Variants in NPC1 observed in about 807,000 individuals in gnomAD.
NPC1 encodes Niemann-Pick C1 protein.
In NPC1, 85 loss-of-function variants were observed where a neutral mutation model predicts 140.4. That is an observed-to-expected ratio of 0.61 (90% CI 0.51 to 0.72). NPC1 has a LOEUF of 0.72. Among genes scored for constraint, NPC1 ranks in the 30% least tolerant of loss-of-function variants. The probability of loss-of-function intolerance (pLI) is 0.00; values close to 1 mark genes in which losing one functional copy is unlikely to be tolerated. For missense variants in NPC1, 1,504 were observed against 1,623.8 expected (o/e 0.93, Z 1.27); for synonymous variants, 656 against 624.8 (o/e 1.05, Z -0.74).
chr18:23,536,102 G>C (rs541154212), intron 21 of NPC1, among the ~76,000 whole-genome samples: 43 of 152,280 alleles, frequency 2.8e-4, no homozygotes, highest in Middle Eastern at 6.8e-3. Flanking sequence ...TTTATTTTCT[G>C]CCAGAGCTAA....
rs756605670 is a variant in NPC1 at position 23,545,034 on chromosome 18, CAACGGTG to C, written c.1866_1872del (p.Phe622LeufsTer2). The C allele has an allele frequency of 2.2e-5, 35 of 1,584,660 alleles. No homozygotes were observed. Among genetic ancestry groups the C allele is most frequent in the Non-Finnish European group, 3.0e-5 (35 of 1,164,134 alleles). ...AGAAACATGATGGCATAGCTAATTA[CAACGGTG>C]AAGACATCACTGTCACTTTCACGAT... is the stretch of plus-strand genomic sequence containing the variant. On this transcript the variant is annotated frameshift_variant, in exon 12 of 25. Coordinates refer to ENST00000269228, the MANE Select transcript of NPC1 (RefSeq NM_000271.5). LOFTEE classifies it high-confidence loss of function.
At chr18:23,517,647 A>G (rs2058044152), downstream of NPC1, among the ~76,000 whole-genome samples, 1 of 152,124 alleles carries the variant, frequency 6.6e-6, no homozygotes, top group Admixed American at 6.6e-5. Context: ...TTCAAACTTT[A>G]TGGTAGTTAG....
chr18:23,506,961 T>C (rs2057731969), intron 3 of NPC1: 1 of 1,575,186 alleles, frequency 6.3e-7, no homozygotes, highest in Non-Finnish European at 8.7e-7. Flanking sequence ...ACAATCTTTC[T>C]TCTTAAAGAA....
chr18:23,508,683 T>C (rs2057773249), intron 3 of NPC1: 1 of 152,280 alleles, frequency 6.6e-6, no homozygotes. Flanking sequence ...GAGAGGTGCA[T>C]CCCCACCACT....
chr18:23,578,472 G>C (rs1204037409), intron 1 of NPC1, among the ~76,000 whole-genome samples: 1 of 152,206 alleles, frequency 6.6e-6, no homozygotes, highest in East Asian at 1.9e-4. Context: ...CTGCACAATG[G>C]GAGCTGCTCA....
chr18:23,559,816 G>T (rs1382878707), intron 6 of NPC1, among the ~76,000 whole-genome samples: 1 of 152,144 alleles, frequency 6.6e-6, no homozygotes, highest in East Asian at 1.9e-4. Context: ...CAGGCATGCA[G>T]GCATGGTGGC....
chr18:23,558,974 T>C lies in NPC1; in HGVS notation c.881+1257A>G, dbSNP rs143169177. Among the ~76,000 whole-genome samples, 887 of 152,284 alleles carry C rather than the reference T, an allele frequency of 5.8e-3. 7 individuals are homozygous for C. The highest frequency in any genetic ancestry group is 0.02 in the African/African-American group (821 of 41,526). ...ACCTATGAGTGAGAACATGCGGTGT[T>C]TGGTTTTTTGTCCTTGCGATATTTT... On this transcript the variant is annotated intron_variant, in intron 6 of 24. Coordinates refer to ENST00000269228, the MANE Select transcript of NPC1 (RefSeq NM_000271.5).
chr18:23,538,072 A>G (rs967834185), intron 20 of NPC1, among the ~76,000 whole-genome samples: 1 of 152,162 alleles, frequency 6.6e-6, no homozygotes, highest in African/African-American at 2.4e-5. Context: ...GGGGAGTGAG[A>G]TAGCCCATAA....
Position 23,556,263 on chromosome 18 carries a change from C to A in NPC1, c.1306G>T (p.Asp436Tyr), listed in dbSNP as rs1294804263. Residue 436 changes from aspartate (D) to tyrosine (Y), a missense_variant, in exon 8 of 25, where the codon GAC becomes TAC. Physicochemically the swap from Asp to Tyr is radical, Grantham distance 160 (BLOSUM62 -3). Coordinates refer to ENST00000269228, the MANE Select transcript of NPC1 (RefSeq NM_000271.5). ...GTTACCTGGTGCAGTATCTGTATGTCAAGCGGAGGTCCAAAGGGTACATCA... is the reference window on the plus strand; with the variant it reads ...GTTACCTGGTGCAGTATCTGTATGTAAAGCGGAGGTCCAAAGGGTACATCA... ...GADVPFGPPLDIQILHQVLDL... is the reference protein window; with the variant it reads ...GADVPFGPPLYIQILHQVLDL... The A allele has an allele frequency of 6.2e-7, 1 of 1,613,998 alleles. No homozygotes were observed. The highest frequency in any genetic ancestry group is 8.5e-7 in the Non-Finnish European group (1 of 1,180,028).
chr18:23,562,413 A>C (rs1439777357), intron 4 of NPC1, among the ~76,000 whole-genome samples: 2 of 152,146 alleles, frequency 1.3e-5, no homozygotes, highest in Admixed American at 6.5e-5. Context: ...CTAAGAAAAT[A>C]GCTGGAATGG....
intron 9 of NPC1, among the ~76,000 whole-genome samples, chr18:23,551,985 C>A (rs1395063977): frequency 1.3e-5 from 2 of 152,118 alleles, no homozygotes; most frequent in African/African-American, 4.8e-5. Context: ...GAGGAGGGAG[C>A]AAACACTAAA....
In NPC1 at chr18:23,556,541, C is replaced by T. The variant is rs1444308532; in HGVS notation, c.1028G>A (p.Gly343Glu). Residue 343 changes from glycine to glutamate, a missense_variant, in exon 8 of 25, where the codon GGG (glycine) becomes GAG (glutamate). Transcript: ENST00000269228. ...GCLRRLFTRW[G>E]SFCVRNPGCV... ...GCCAGGGTTTCGGACGCAGAAAGAC[C>T]CCCAGCGTGTGAACAGCCGCCTCAA... 2 of 1,614,096 alleles carry T rather than the reference C, an allele frequency of 1.2e-6. No individual in the cohort carries two copies. The highest frequency in any genetic ancestry group is 1.7e-6 in the Non-Finnish European group (2 of 1,180,008).
Position 23,556,597 on chromosome 18 carries a change from A to G in NPC1, c.972T>C (p.Cys324=). The G allele has an allele frequency of 1.2e-6, 2 of 1,614,140 alleles. No homozygotes were observed. Among genetic ancestry groups the G allele is most frequent in the Non-Finnish European group, 1.7e-6 (2 of 1,180,010 alleles). ...CCTCAAATGCTGCGCTGACAGGGTC[A>G]CAGCAGGACGCCTCTCCTGGAAGAA... ...NASDKGEASC[C]DPVSAAFEGC... is the part of the protein sequence containing the mutation. The change falls in exon 8 of 25, where the codon TGT becomes TGC. Residue 324 remains cysteine (C), a synonymous_variant. Coordinates refer to ENST00000269228, the MANE Select transcript of NPC1 (RefSeq NM_000271.5).
intron 1 of NPC1, among the ~76,000 whole-genome samples, chr18:23,523,642 G>GAGCCA (rs1306846109): frequency 2.0e-5 from 3 of 150,330 alleles, no homozygotes; most frequent in Non-Finnish European, 4.4e-5. Context: ...AGGACCACTT[G>GAGCCA]AGCCAAGGAG....
chr18:23,520,784 G>T (rs117994524), downstream of NPC1, among the ~76,000 whole-genome samples: 1 of 150,906 alleles, frequency 6.6e-6, no homozygotes, highest in Non-Finnish European at 1.5e-5. Context: ...GTATTCAATC[G>T]CTTAAATACT....
At position 23,516,016 on chromosome 18, in the gene NPC1, G is replaced by GA. The variant is rs569738654; in HGVS notation, c.432-9375dup. ...TTTAGGGTAAGAGGAAGCCTCCCCT[G>GA]AAAAAAACACCTTTCCCCAGTTGTC... On this transcript the variant is annotated intron_variant, in intron 3 of 3. Transcript: ENST00000591107. 1,561 of 1,612,994 alleles carry GA rather than the reference G, an allele frequency of 9.7e-4. 13 individuals carry two copies. In the Admixed American group the frequency reaches 0.02, roughly 21 times the overall value.
chr18:23,520,123 C>A, downstream of NPC1: 2 of 1,079,622 alleles, frequency 1.9e-6, no homozygotes. Flanking sequence ...CTGATTTAAA[C>A]AGCAAGATGG....
chr18:23,529,603 G>C (rs759845424), downstream of NPC1: 1 of 1,578,076 alleles, frequency 6.3e-7, no homozygotes, highest in Non-Finnish European at 8.7e-7. Context: ...CACCTCGTTG[G>C]TATTTGTAAG....
chr18:23,525,254 T>C (rs2058263952), downstream of NPC1, among the ~76,000 whole-genome samples: 1 of 151,244 alleles, frequency 6.6e-6, no homozygotes, highest in Non-Finnish European at 1.5e-5. Context: ...CCTAAAGAAA[T>C]CTTATTTTTT....
Sources: gnomAD v4.1 joint callset for allele counts (sites outside exome capture counted in the v4.1 genomes callset) on GRCh38, gnomAD v4.1.1 for gene constraint, MANE v1.5 for transcripts, NCBI Gene and HGNC (gene_info 2026-07-23, HGNC 2026-07-21) for gene names.